The following LRP2BP variants were observed in gnomAD, a reference collection of about 807,000 sequenced individuals.
The protein encoded by LRP2BP is LRP2 binding protein, also known as LRP2-binding protein.
In LRP2BP, 38 loss-of-function variants were observed where a neutral mutation model predicts 45.2. The observed-to-expected ratio is 0.84, with a 90% CI of 0.65 to 1.10. The LOEUF (loss-of-function observed/expected upper bound fraction) is 1.10, where lower values mean the gene tolerates loss of function less well. Ranked by LOEUF, LRP2BP falls within the 50% of genes least tolerant of loss-of-function variation. The pLI is 0.00. For synonymous variants in LRP2BP, 153 were observed against 153.9 expected, an observed-to-expected ratio of 0.99 and a Z score of 0.04; for missense variants, 385 against 418.9, an observed-to-expected ratio of 0.92 and a Z score of 0.71.
chr4:185,397,138 CTCT>C (rs1235185132), upstream of LRP2BP: 1 of 1,612,896 alleles, frequency 6.2e-7, no homozygotes, highest in Non-Finnish European at 8.5e-7. Flanking sequence ...TGGATCTGTT[CTCT>C]TCCTGCAGGT....
At chr4:185,392,968 C>G (rs1354727338) in intron 1 of LRP2BP, among the ~76,000 whole-genome samples, 1 of 152,208 alleles carries the variant, frequency 6.6e-6, no homozygotes, top group Admixed American at 6.5e-5. Context: ...AGGCCTCACT[C>G]GGTCACCCAG....
intron 1 of LRP2BP, among the ~76,000 whole-genome samples, chr4:185,389,192 A>ATTTATT (rs931431622): frequency 3.3e-5 from 5 of 151,056 alleles, no homozygotes; most frequent in East Asian, 3.9e-4. Flanking sequence ...TTTAATTTTT[A>ATTTATT]TTTATTTTTA....
intron 1 of LRP2BP, among the ~76,000 whole-genome samples, chr4:185,383,352 C>T (rs1364724431): frequency 6.6e-6 from 1 of 152,086 alleles, no homozygotes; most frequent in Non-Finnish European, 1.5e-5. Context: ...TGGTGGTGCA[C>T]ACCTATAGTC....
At chr4:185,377,394 T>C in intron 2 of LRP2BP, 1 of 176,274 alleles carries the variant, frequency 5.7e-6, no homozygotes, top group East Asian at 1.4e-4. Context: ...GGTGCATGCC[T>C]ATAATCCCAG....
intron 8 of LRP2BP, chr4:185,369,701 T>G: frequency 4.8e-6 from 2 of 416,796 alleles, no homozygotes; most frequent in Non-Finnish European, 9.4e-6. Context: ...AGTTTTAATT[T>G]TAAAGTAATT....
intron 1 of LRP2BP, among the ~76,000 whole-genome samples, chr4:185,386,523 C>A (rs1286477352): frequency 6.6e-6 from 1 of 152,188 alleles, no homozygotes; most frequent in Admixed American, 6.5e-5. Context: ...AGAGAAAAGG[C>A]TGGGCTCCAG....
chr4:185,378,358 A>C, intron 1 of LRP2BP, 151 bp from the exon 2 acceptor site: 1 of 1,427,334 alleles, frequency 7.0e-7, no homozygotes. Context: ...GGACGTGAAC[A>C]TTCTTTACTA....
At chr4:185,389,362 C>T (rs899126488) in intron 1 of LRP2BP, among the ~76,000 whole-genome samples, 1 of 151,912 alleles carries the variant, frequency 6.6e-6, no homozygotes, top group Non-Finnish European at 1.5e-5. Flanking sequence ...GCGCACACCA[C>T]CACACCCGGC....
At position 185,378,110 on chromosome 4, in the gene LRP2BP, T is replaced by C; in HGVS notation, c.77A>G (p.Lys26Arg). 6.2e-7 allele frequency: 1 copy of C among 1,613,862 alleles called. No homozygotes were observed. Among genetic ancestry groups the C allele is most frequent in the South Asian group, 1.1e-5 (1 of 91,000 alleles). The change falls in exon 2 of 9, where the codon AAA (lysine) becomes AGA (arginine). Residue 26 changes from lysine to arginine, a missense_variant. Coordinates refer to ENST00000505916, the MANE Select transcript of LRP2BP (RefSeq NM_001377440.1). The stretch of plus-strand genomic sequence containing the variant: ...CTTTTCCTTTTTCCACTGGAAAAAT[T>C]TTTGGTTTTTAGCAGCATACTGAGA... ...SVSQYAAKNQKFFQWKKEKTD... is the reference protein window; with the variant it reads ...SVSQYAAKNQRFFQWKKEKTD...
chr4:185,380,670 C>T (rs1341672344), intron 1 of LRP2BP, among the ~76,000 whole-genome samples: 1 of 152,210 alleles, frequency 6.6e-6, no homozygotes, highest in East Asian at 1.9e-4. Context: ...AAGAGGTTCA[C>T]ATTCACAGGT....
At chr4:185,377,112 G>A (rs181071073) in intron 2 of LRP2BP, 94 bp from the exon 3 acceptor site, 22 of 905,754 alleles carry the variant, frequency 2.4e-5, no homozygotes, top group Middle Eastern at 2.7e-4. Flanking sequence ...TAACACTGTT[G>A]ACATTCTTGC....
intron 6 of LRP2BP, 35 bp downstream of exon 6, chr4:185,374,100 A>T (rs2095425185): frequency 6.5e-7 from 1 of 1,538,816 alleles, no homozygotes. Flanking sequence ...ATTAATCTAA[A>T]TATAACACTA....
chr4:185,367,303 C>CAT, intron 8 of LRP2BP, 58 bp from the exon 9 acceptor site: 1 of 1,105,354 alleles, frequency 9.0e-7, no homozygotes, highest in Non-Finnish European at 1.3e-6. Flanking sequence ...GGTCTTTCTT[C>CAT]TTTTTTTTTT....
At chr4:185,370,328 C>T (rs1222740263) in intron 8 of LRP2BP, 1 of 269,946 alleles carries the variant, frequency 3.7e-6, no homozygotes, top group Non-Finnish European at 7.4e-6. Context: ...TACATTCACA[C>T]TTGTTCTAGA....
upstream of LRP2BP, chr4:185,397,148 A>T: frequency 6.2e-7 from 1 of 1,613,306 alleles, no homozygotes; most frequent in Non-Finnish European, 8.5e-7. Context: ...CTCTTCCTGC[A>T]GGTGGATGGT....
At position 185,374,316 on chromosome 4, in the gene LRP2BP, T is replaced by C; in HGVS notation, c.473+3A>G. 6.2e-7 allele frequency: 1 copy of C among 1,614,108 alleles called. No individual in the cohort carries two copies. Among genetic ancestry groups the C allele is most frequent in the Non-Finnish European group, 8.5e-7 (1 of 1,179,990 alleles). ...ACCTAATCTTGTTCTCAGGTAGGAT[T>C]ACCTTTCAGCTTCCTCATTTGATCG... On this transcript the variant is annotated splice_donor_region_variant and intron_variant, in intron 5 of 8. Transcript: ENST00000505916.
chr4:185,383,115 GAAGT>G (rs1353779951), intron 1 of LRP2BP, among the ~76,000 whole-genome samples: 3 of 152,130 alleles, frequency 2.0e-5, no homozygotes, highest in African/African-American at 7.2e-5. Flanking sequence ...GTTGTGTTTT[GAAGT>G]ATGTATATTA....
intron 1 of LRP2BP, among the ~76,000 whole-genome samples, chr4:185,380,570 T>TA (rs1172548969): frequency 1.3e-5 from 2 of 152,324 alleles, no homozygotes; most frequent in Non-Finnish European, 2.9e-5. Context: ...TCCTCCCTCT[T>TA]ATGAGGACAC....
rs2095440203 is a variant in LRP2BP, at chr4:185,376,968, T to C, written c.157A>G (p.Arg53Gly). 6.2e-7 allele frequency: 1 copy of C among 1,613,984 alleles called. No homozygotes were observed. The highest frequency in any genetic ancestry group is 8.5e-7 in the Non-Finnish European group (1 of 1,179,940). ...GCCAGAGTGTCTCCTTTCAGTATTC[T>C]TTCCTTCAAGAGCTGCAATGCCTTA... ...VDKALQLLKE[R>G]ILKGDTLAYF... Residue 53 changes from arginine (R) to glycine (G), a missense_variant, in exon 3 of 9, where the codon AGA becomes GGA. By Grantham distance (125) the Arg-to-Gly change is moderately radical. Coordinates refer to ENST00000505916, the MANE Select transcript of LRP2BP (RefSeq NM_001377440.1).
Sources: gnomAD v4.1 joint callset for allele counts (sites outside exome capture counted in the v4.1 genomes callset) on GRCh38, gnomAD v4.1.1 for gene constraint, MANE v1.5 for transcripts, NCBI Gene and HGNC (gene_info 2026-07-23, HGNC 2026-07-21) for gene names.